Variants in MEGF11 observed in about 807,000 individuals in gnomAD.
MEGF11 encodes the protein multiple EGF like domains 11.
In MEGF11, 126 loss-of-function variants were observed where a neutral mutation model predicts 146.6. The observed-to-expected ratio is 0.86, with a 90% CI of 0.74 to 1.00. The LOEUF is 1.00. Ranked by LOEUF, MEGF11 falls within the 50% of genes least tolerant of loss-of-function variation. The pLI is 0.00. For synonymous variants in MEGF11, 532 were observed against 583.4 expected (o/e 0.91, Z 1.27); for missense variants, 1,509 against 1,521.2 (o/e 0.99, Z 0.13).
intron 1 of MEGF11, among the ~76,000 whole-genome samples, chr15:66,146,709 T>C (rs750304527): frequency 2.6e-5 from 4 of 152,246 alleles, no homozygotes; most frequent in Non-Finnish European, 4.4e-5. Context: ...CCGATCTCAC[T>C]GTGGACAGCG....
chr15:66,025,785 C>T (rs2083308778), intron 5 of MEGF11, among the ~76,000 whole-genome samples: 1 of 152,186 alleles, frequency 6.6e-6, no homozygotes, highest in African/African-American at 2.4e-5. Context: ...CTGTGAACTT[C>T]TAATCCAGAC....
At chr15:66,195,062 G>C (rs1000625670) in intron 1 of MEGF11, among the ~76,000 whole-genome samples, 1 of 151,950 alleles carries the variant, frequency 6.6e-6, no homozygotes, top group African/African-American at 2.4e-5. Flanking sequence ...AGTTCTGGAG[G>C]CTAGAAGTCC....
chr15:66,204,809 G>T (rs1463827225), intron 1 of MEGF11, among the ~76,000 whole-genome samples: 1 of 152,126 alleles, frequency 6.6e-6, no homozygotes, highest in Admixed American at 6.5e-5. Context: ...CTTCCAGAGA[G>T]ATAAAGTAAG....
At chr15:66,230,673 G>A (rs1056544152) in intron 1 of MEGF11, among the ~76,000 whole-genome samples, 2 of 152,196 alleles carry the variant, frequency 1.3e-5, no homozygotes, top group Non-Finnish European at 2.9e-5. Flanking sequence ...TAAAAGGGGG[G>A]AGATGAAACA....
At chr15:65,937,014 T>C (rs1277820036) in intron 10 of MEGF11, among the ~76,000 whole-genome samples, 4 of 152,100 alleles carry the variant, frequency 2.6e-5, no homozygotes, top group Non-Finnish European at 5.9e-5. Context: ...CAGGCAAAAA[T>C]TACCCAGTTG....
chr15:66,231,430 C>T (rs1275872268), intron 1 of MEGF11, among the ~76,000 whole-genome samples: 3 of 151,232 alleles, frequency 2.0e-5, no homozygotes, highest in Admixed American at 6.6e-5. Flanking sequence ...GTCAAAGATG[C>T]CAAGAAGGCA....
At chr15:65,910,807 A>T (rs2078778211) in intron 21 of MEGF11, among the ~76,000 whole-genome samples, 1 of 152,180 alleles carries the variant, frequency 6.6e-6, no homozygotes, top group Admixed American at 6.5e-5. Flanking sequence ...GGACTATGAA[A>T]GCCATGCTTT....
intron 5 of MEGF11, among the ~76,000 whole-genome samples, chr15:66,087,607 A>T (rs547917238): frequency 1.3e-5 from 2 of 152,336 alleles, no homozygotes; most frequent in South Asian, 2.1e-4. Flanking sequence ...GATGGAAATT[A>T]AAAAATTCTT....
At chr15:66,212,791 G>A (rs576264026) in intron 1 of MEGF11, among the ~76,000 whole-genome samples, 4 of 84 alleles carry the variant, frequency 0.048, no homozygotes, top group South Asian at 0.4. Context: ...TCCTGCCAGG[G>A]ACTCCCCCCC....
chr15:66,152,892 TC>T (rs2089620738), intron 1 of MEGF11, among the ~76,000 whole-genome samples: 1 of 151,988 alleles, frequency 6.6e-6, no homozygotes, highest in African/African-American at 2.4e-5. Flanking sequence ...AGGCTGCCCC[TC>T]CCCGCCGAAG....
intron 5 of MEGF11, among the ~76,000 whole-genome samples, chr15:66,009,475 T>G (rs2552181): frequency 0.64 from 96,862 of 151,770 alleles, 31,788 homozygotes; most frequent in Non-Finnish European, 0.73. Context: ...CCAAGACCCA[T>G]TGACCCCTTC....
chr15:66,243,933 C>T (rs574335587), intron 1 of MEGF11, among the ~76,000 whole-genome samples: 23 of 152,288 alleles, frequency 1.5e-4, no homozygotes, highest in Admixed American at 5.9e-4. Context: ...ATGGCCACCT[C>T]ACGTGGTCCA....
Position 66,190,294 on chromosome 15 carries a change from G to T in MEGF11, c.-8-61883C>A, listed in dbSNP as rs534966835. On this transcript the variant is annotated intron_variant, in intron 1 of 25. Transcript: ENST00000395614. The stretch of plus-strand genomic sequence containing the variant: ...TGTAAATTGCTTTGTAGAGGTGGGG[G>T]TCTTGCTATGTTGCCCGGGCTGGTC... Among the ~76,000 whole-genome samples the T allele has an allele frequency of 7.9e-5, 12 of 152,266 alleles. No homozygotes were observed. In the South Asian group the frequency reaches 2.3e-3, roughly 29 times the overall value.
chr15:66,198,874 A>G (rs1405400623), intron 1 of MEGF11, among the ~76,000 whole-genome samples: 1 of 152,060 alleles, frequency 6.6e-6, no homozygotes, highest in Non-Finnish European at 1.5e-5. Context: ...ATGGCCTTCC[A>G]AAGTGCTGGG....
intron 1 of MEGF11, among the ~76,000 whole-genome samples, chr15:66,130,136 G>A (rs543340708): frequency 2.0e-5 from 3 of 152,294 alleles, no homozygotes; most frequent in African/African-American, 4.8e-5. Context: ...GGAGCTCAGC[G>A]ATCATTTCAA....
intron 1 of MEGF11, among the ~76,000 whole-genome samples, chr15:66,157,934 G>A (rs990688713): frequency 6.6e-6 from 1 of 152,284 alleles, no homozygotes; most frequent in South Asian, 2.1e-4. Flanking sequence ...GCCAACCTCT[G>A]AGGTGGTAAT....
intron 13 of MEGF11, among the ~76,000 whole-genome samples, chr15:65,923,245 A>C (rs945407633): frequency 2.0e-5 from 3 of 152,232 alleles, no homozygotes; most frequent in Non-Finnish European, 4.4e-5. Context: ...TCTTGAAAGA[A>C]ATTACAAATA....
In MEGF11 at chr15:65,913,766, C is replaced by G. The variant is rs1288837559; in HGVS notation, c.2681G>C (p.Arg894Thr). ...APRVSYTPAMRMTSTDYSLSD... is the reference protein window; with the variant it reads ...APRVSYTPAMTMTSTDYSLSD... ...GAGGGAGTAGTCGGTGCTGGTCATC[C>G]TCATGGCAGGTGTGTAGGAGACACG... The change falls in exon 20 of 26, where the codon AGG (arginine) becomes ACG (threonine). Residue 894 changes from arginine to threonine, a missense_variant. Arg to Thr is a moderately conservative substitution (Grantham distance 71). Transcript: ENST00000395614. 6.2e-7 allele frequency: 1 copy of G among 1,613,366 alleles called. No individual in the cohort carries two copies. The highest frequency in any genetic ancestry group is 2.2e-5 in the East Asian group (1 of 44,878).
intron 8 of MEGF11, among the ~76,000 whole-genome samples, chr15:65,967,986 G>T (rs1057165725): frequency 2.6e-5 from 4 of 152,198 alleles, no homozygotes; most frequent in Non-Finnish European, 4.4e-5. Context: ...CATGAGACAA[G>T]TGAGGCAACT....
Sources: gnomAD v4.1 joint callset for allele counts (sites outside exome capture counted in the v4.1 genomes callset) on GRCh38, gnomAD v4.1.1 for gene constraint, MANE v1.5 for transcripts, NCBI Gene and HGNC (gene_info 2026-07-23, HGNC 2026-07-21) for gene names.